Variants in CCDC122 observed in about 807,000 individuals in gnomAD.
CCDC122 encodes coiled-coil domain-containing protein 122.
Under a neutral mutation model 37.0 loss-of-function variants are expected in CCDC122, and 38 were observed. The ratio of observed to expected loss-of-function variants is 1.03; its 90% CI spans 0.79 to 1.35. The LOEUF (loss-of-function observed/expected upper bound fraction) is 1.35. Among genes scored for constraint, CCDC122 ranks in the 40% most tolerant of loss-of-function variants. The probability of loss-of-function intolerance (pLI) is 0.00; values close to 1 mark genes in which losing one functional copy is unlikely to be tolerated. For missense variants in CCDC122, 305 were observed against 310.0 expected, an observed-to-expected ratio of 0.98 and a Z score of 0.12; for synonymous variants, 83 against 95.6, an observed-to-expected ratio of 0.87 and a Z score of 0.77.
At chr13:43,849,776 T>C (rs559758195) in intron 6 of CCDC122, among the ~76,000 whole-genome samples, 4 of 152,298 alleles carry the variant, frequency 2.6e-5, no homozygotes, top group Non-Finnish European at 5.9e-5. Flanking sequence ...ATTTCTACCA[T>C]TGCAAGGCTG....
chr13:43,819,103 T>C (rs1952978178), downstream of CCDC122, among the ~76,000 whole-genome samples: 1 of 152,170 alleles, frequency 6.6e-6, no homozygotes, highest in Admixed American at 6.5e-5. Context: ...CCTCACTTAT[T>C]AGATAAAAGC....
Position 43,859,737 on chromosome 13 carries a change from T to C in CCDC122, c.490A>G (p.Thr164Ala), listed in dbSNP as rs752836713. 1.1e-5 allele frequency: 18 copies of C among 1,597,636 alleles called. No individual in the cohort carries two copies. The highest frequency in any genetic ancestry group is 1.4e-5 in the Non-Finnish European group (17 of 1,175,450). The change falls in exon 5 of 7, where the codon ACA (threonine) becomes GCA (alanine). Residue 164 changes from threonine to alanine, a missense_variant. Thr to Ala is a moderately conservative substitution (Grantham distance 58, BLOSUM62 0). Transcript: ENST00000444614. ...TCTTGCATAAGTTCTTCTTTCATTG[T>C]CTTTAATTTTTTAACAAAATCTCGC... ...EKRDFVKKLK[T>A]MKEELMQDLQ...
At chr13:43,849,368 A>G (rs1264144565) in intron 6 of CCDC122, among the ~76,000 whole-genome samples, 4 of 152,200 alleles carry the variant, frequency 2.6e-5, no homozygotes, top group African/African-American at 9.6e-5. Flanking sequence ...TGCTGGCAAG[A>G]TGAAGTAGAT....
intron 3 of CCDC122, chr13:43,824,045 T>C (rs1327776495): frequency 3.3e-5 from 5 of 152,220 alleles, no homozygotes; most frequent in Admixed American, 6.5e-5. Context: ...CAATAAATAA[T>C]GATTTCATGT....
In CCDC122 at chr13:43,827,759, A is replaced by G. The variant is rs1465543419; in HGVS notation, n.602-3748T>C. Among the ~76,000 whole-genome samples the G allele has an allele frequency of 2.0e-5, 3 of 152,192 alleles. No homozygotes were observed. In the East Asian group the frequency reaches 5.8e-4, roughly 29 times the overall value. On this transcript the variant is annotated intron_variant and non_coding_transcript_variant, in intron 3 of 3. Coordinates refer to the CCDC122 transcript ENST00000470137. ...GTTACACATAGGGGTCCTGGAACCC[A>G]TCCCTCGTTTATATGGAGGGATGGC... is the stretch of plus-strand genomic sequence containing the variant.
chr13:43,829,019 T>A (rs1248098821), intron 3 of CCDC122, among the ~76,000 whole-genome samples: 1 of 152,226 alleles, frequency 6.6e-6, no homozygotes. Context: ...ACAATTACTT[T>A]TGATAAATTG....
chr13:43,851,582 C>T (rs944060185), intron 6 of CCDC122, among the ~76,000 whole-genome samples: 2 of 152,190 alleles, frequency 1.3e-5, no homozygotes, highest in Non-Finnish European at 2.9e-5. Context: ...CACCCCAGGA[C>T]TCATGAGCAC....
chr13:43,869,752 G>C (rs1192030520), intron 2 of CCDC122, among the ~76,000 whole-genome samples: 1 of 152,018 alleles, frequency 6.6e-6, no homozygotes, highest in Non-Finnish European at 1.5e-5. Context: ...AACAGTACCT[G>C]ATATACACTG....
At chr13:43,879,296 C>T (rs1954789607) in intron 1 of CCDC122, 1 of 153,580 alleles carries the variant, frequency 6.5e-6, no homozygotes, top group Non-Finnish European at 1.4e-5. Context: ...ACCTGCAGCT[C>T]CTGCCGCCCT....
intron 1 of CCDC122, among the ~76,000 whole-genome samples, chr13:43,876,619 GCTC>G (rs1472329408): frequency 1.3e-5 from 2 of 152,102 alleles, no homozygotes; most frequent in Non-Finnish European, 2.9e-5. Context: ...GCCTATTTCT[GCTC>G]CTATCAATTG....
At chr13:43,870,619 G>A (rs1221672085) in intron 2 of CCDC122, among the ~76,000 whole-genome samples, 1 of 151,896 alleles carries the variant, frequency 6.6e-6, no homozygotes, top group Non-Finnish European at 1.5e-5. Context: ...ATTATATAGT[G>A]TTTATTCTGT....
intron 6 of CCDC122, among the ~76,000 whole-genome samples, chr13:43,841,989 G>C (rs1327490343): frequency 6.6e-6 from 1 of 152,232 alleles, no homozygotes; most frequent in Non-Finnish European, 1.5e-5. Flanking sequence ...TTATGGGCAT[G>C]AGCCACTGTG....
chr13:43,819,366 A>G (rs1314381807), downstream of CCDC122, among the ~76,000 whole-genome samples: 2 of 152,238 alleles, frequency 1.3e-5, no homozygotes, highest in African/African-American at 4.8e-5. Context: ...ACTAGCTAAA[A>G]TAGAAAATGA....
At chr13:43,832,061 G>C (rs1953094732), downstream of CCDC122, among the ~76,000 whole-genome samples, 1 of 148,610 alleles carries the variant, frequency 6.7e-6, no homozygotes, top group African/African-American at 2.5e-5. Context: ...TAATATTCAA[G>C]AGAGAGTATT....
rs536865306 is a variant in CCDC122, at chr13:43,857,932, A to T, written c.672+849T>A. Among the ~76,000 whole-genome samples the T allele has an allele frequency of 6.6e-5, 10 of 151,870 alleles. No homozygotes were observed. The South Asian group carries it at 2.1e-3, about 32-fold the overall frequency. ...ATAAAGAAAAAATAATAATAATAATATTTTTTTCTACTCTTTTACCACTGA... is the reference window on the plus strand; with the variant it reads ...ATAAAGAAAAAATAATAATAATAATTTTTTTTTCTACTCTTTTACCACTGA... On this transcript the variant is annotated intron_variant, in intron 6 of 6. Coordinates refer to ENST00000444614, the MANE Select transcript of CCDC122 (RefSeq NM_144974.5).
downstream of CCDC122, among the ~76,000 whole-genome samples, chr13:43,823,427 G>A (rs184386171): frequency 3.9e-5 from 6 of 152,296 alleles, no homozygotes; most frequent in African/African-American, 1.2e-4. Context: ...AGTTGTGCGA[G>A]CACTCCCTTG....
chr13:43,839,047 G>C (rs1953261957), intron 6 of CCDC122, among the ~76,000 whole-genome samples: 1 of 152,186 alleles, frequency 6.6e-6, no homozygotes, highest in African/African-American at 2.4e-5. Flanking sequence ...GAGATATCTT[G>C]TGGTCAGCAA....
At chr13:43,875,004 C>T (rs1020143291) in intron 1 of CCDC122, 77 bp from the exon 2 acceptor site, 3 of 152,172 alleles carry the variant, frequency 2.0e-5, no homozygotes, top group African/African-American at 7.2e-5. Flanking sequence ...AACATTCATA[C>T]ATTATCCACA....
At chr13:43,848,780 T>C (rs374502161) in intron 6 of CCDC122, 1 of 785,408 alleles carries the variant, frequency 1.3e-6, no homozygotes, top group Non-Finnish European at 1.5e-6. Flanking sequence ...AACCAAAATA[T>C]GTAAAACACA....
Sources: allele counts gnomAD v4.1 joint callset (sites outside exome capture counted in the v4.1 genomes callset), GRCh38; gene constraint gnomAD v4.1.1; transcripts MANE v1.5; gene names NCBI Gene and HGNC (gene_info 2026-07-23, HGNC 2026-07-21).